The following PAIP2 variants were observed in gnomAD, a reference collection of about 807,000 sequenced individuals.
PAIP2 encodes the protein poly(A) binding protein interacting protein 2.
A neutral mutation model predicts 14.8 loss-of-function variants in PAIP2; 7 were observed. That is an observed-to-expected ratio of 0.47 (90% confidence interval 0.27 to 0.89). The LOEUF (loss-of-function observed/expected upper bound fraction) is 0.89. Ranked by LOEUF, PAIP2 falls within the 40% of genes least tolerant of loss-of-function variation. The pLI is 0.13. For synonymous variants in PAIP2, 47 were observed against 45.3 expected (o/e 1.04, Z -0.15); for missense variants, 122 against 154.7 (o/e 0.79, Z 1.12).
intron 1 of PAIP2, among the ~76,000 whole-genome samples, chr5:139,358,341 T>C (rs1299617939): frequency 6.6e-6 from 1 of 152,242 alleles, no homozygotes; most frequent in African/African-American, 2.4e-5. Flanking sequence ...GTTGCATATG[T>C]GTTTACTTTT....
Position 139,364,728 on chromosome 5 carries a change from T to A in PAIP2, c.303T>A (p.Ser101=), listed in dbSNP as rs1195655939. Residue 101 remains serine, a synonymous_variant, in exon 3 of 4, where the codon TCT becomes TCA. Coordinates refer to ENST00000265192, the MANE Select transcript of PAIP2 (RefSeq NM_016480.5). ...FNDLVISDGS[S]LEDLVVKSNL... ...ACCTTGTTATCAGTGATGGCTCTTC[T>A]CTGGAAGATCTTGTGGTAAAAAGTT... 31 of 1,599,740 alleles carry A rather than the reference T, an allele frequency of 1.9e-5. No homozygotes were observed. Among genetic ancestry groups the A allele is most frequent in the Non-Finnish European group, 2.4e-5 (28 of 1,173,338 alleles).
chr5:139,342,923 G>A (rs1158745676), intron 1 of PAIP2: 5 of 152,190 alleles, frequency 3.3e-5, no homozygotes, highest in African/African-American at 1.2e-4. Flanking sequence ...TGCCTTGGAA[G>A]GTGTAGCAGC....
intron 1 of PAIP2, among the ~76,000 whole-genome samples, chr5:139,350,044 G>A (rs948949371): frequency 1.3e-5 from 2 of 151,606 alleles, no homozygotes; most frequent in East Asian, 1.9e-4. Flanking sequence ...GTGTGGTGGC[G>A]GGCGCCTGTA....
intron 1 of PAIP2, among the ~76,000 whole-genome samples, chr5:139,346,416 A>G (rs1292441200): frequency 1.3e-5 from 2 of 151,210 alleles, no homozygotes; most frequent in African/African-American, 4.9e-5. Context: ...TAATGTTTGT[A>G]TTTTTAGAGA....
At chr5:139,347,010 G>A (rs1158848180) in intron 1 of PAIP2, among the ~76,000 whole-genome samples, 1 of 152,018 alleles carries the variant, frequency 6.6e-6, no homozygotes, top group Non-Finnish European at 1.5e-5. Context: ...GTTTCACCAT[G>A]TTGGCCAGGG....
intron 1 of PAIP2, among the ~76,000 whole-genome samples, chr5:139,362,378 G>A (rs1218104019): frequency 6.8e-6 from 1 of 147,212 alleles, no homozygotes; most frequent in Non-Finnish European, 1.5e-5. Flanking sequence ...GTACCACCAT[G>A]CCCAGCTAAA....
chr5:139,352,966 G>A (rs137916195), intron 1 of PAIP2, among the ~76,000 whole-genome samples: 6,172 of 151,788 alleles, frequency 0.041, 166 homozygotes, highest in Non-Finnish European at 0.066. Flanking sequence ...AAAATACAAA[G>A]TTAGCCGGGC....
chr5:139,350,718 A>G (rs1756703235), intron 1 of PAIP2, among the ~76,000 whole-genome samples: 1 of 152,046 alleles, frequency 6.6e-6, no homozygotes, highest in Non-Finnish European at 1.5e-5. Context: ...TTAAGCAAAA[A>G]AAAAGAAGAA....
In PAIP2 at chr5:139,364,734, A is replaced by G. The variant is rs1453852780; in HGVS notation, c.309A>G (p.Glu103=). The change falls in exon 3 of 4, where the codon GAA becomes GAG. Residue 103 remains glutamate (E), a synonymous_variant. Coordinates refer to ENST00000265192, the MANE Select transcript of PAIP2 (RefSeq NM_016480.5). ...TTATCAGTGATGGCTCTTCTCTGGAAGATCTTGTGGTAAAAAGTTATTTTT... is the reference window on the plus strand; with the variant it reads ...TTATCAGTGATGGCTCTTCTCTGGAGGATCTTGTGGTAAAAAGTTATTTTT... ...DLVISDGSSL[E]DLVVKSNLNP... is the part of the protein sequence containing the mutation. 1.2e-6 allele frequency: 2 copies of G among 1,600,322 alleles called. No homozygotes were observed. The highest frequency in any genetic ancestry group is 3.5e-5 in the Admixed American group (2 of 57,942).
chr5:139,348,352 C>G lies in PAIP2; in HGVS notation c.-27+6372C>G, dbSNP rs906555657. ...AACAGGGGACCACCACCAAGCCTGG[C>G]TAATTTTTTTTTTTTTTTTTGAGAC... is the stretch of plus-strand genomic sequence containing the variant. On this transcript the variant is annotated intron_variant, in intron 1 of 3. Transcript: ENST00000265192. Among the ~76,000 whole-genome samples, 14 of 150,378 alleles carry G rather than the reference C, an allele frequency of 9.3e-5. No homozygotes were observed. The East Asian group carries it at 1.6e-3, about 17-fold the overall frequency.
chr5:139,353,735 TA>T (rs1756823267), intron 1 of PAIP2, among the ~76,000 whole-genome samples: 1 of 151,878 alleles, frequency 6.6e-6, no homozygotes, highest in African/African-American at 2.4e-5. Flanking sequence ...TTTTTTTTTT[TA>T]AGGCAGAGTC....
intron 1 of PAIP2, chr5:139,343,228 A>G (rs1300035538): frequency 6.6e-6 from 1 of 152,226 alleles, no homozygotes; most frequent in East Asian, 1.9e-4. Flanking sequence ...TGTTTATACT[A>G]CTTGTCAGTT....
intron 1 of PAIP2, among the ~76,000 whole-genome samples, chr5:139,362,856 C>T (rs1472701819): frequency 6.6e-6 from 1 of 152,112 alleles, no homozygotes; most frequent in Non-Finnish European, 1.5e-5. Flanking sequence ...GCTTGCTTTA[C>T]AAAGCAAGTG....
At chr5:139,352,042 C>T (rs1268117708) in intron 1 of PAIP2, among the ~76,000 whole-genome samples, 1 of 152,026 alleles carries the variant, frequency 6.6e-6, no homozygotes, top group East Asian at 1.9e-4. Flanking sequence ...ACAGGTTGAG[C>T]ATCCCAGTTT....
intron 1 of PAIP2, among the ~76,000 whole-genome samples, chr5:139,358,670 T>G (rs575193426): frequency 1.3e-5 from 2 of 152,346 alleles, no homozygotes; most frequent in East Asian, 3.9e-4. Context: ...GGAATATTGT[T>G]TGGCAATAAA....
At chr5:139,368,629 TTTGTC>T (rs1465661882) in intron 3 of PAIP2, 99 bp from the exon 4 acceptor site, 4 of 788,528 alleles carry the variant, frequency 5.1e-6, no homozygotes, top group Admixed American at 4.5e-5. Flanking sequence ...ACTGAGTTCT[TTTGTC>T]TTTTTTTTTT....
intron 1 of PAIP2, among the ~76,000 whole-genome samples, chr5:139,349,094 A>G (rs1244284951): frequency 6.6e-6 from 1 of 152,258 alleles, no homozygotes; most frequent in Non-Finnish European, 1.5e-5. Flanking sequence ...TACCAGTGCT[A>G]ACTTCCACAA....
rs1757475122 is a variant in PAIP2, at chr5:139,368,902, A to C, written c.*104A>C. ...GCTCTCTTGTCACTGTGTTACACTT[A>C]TGCATTGCCAAAGTTTTTGTTAGTC... is the stretch of plus-strand genomic sequence containing the variant. On this transcript the variant is annotated 3_prime_UTR_variant, in exon 4 of 4. Transcript: ENST00000265192. 2.5e-6 allele frequency: 2 copies of C among 807,960 alleles called. No individual in the cohort carries two copies. Among genetic ancestry groups the C allele is most frequent in the South Asian group, 3.4e-5 (2 of 59,404 alleles). The allele number at this position is 807,960 out of a possible 1,614,324, so 50.0% of individuals were successfully genotyped here.
intron 3 of PAIP2, among the ~76,000 whole-genome samples, chr5:139,365,431 A>C (rs6895170): frequency 0.45 from 67,884 of 149,970 alleles, 17,908 homozygotes; most frequent in East Asian, 0.79. Flanking sequence ...CGGAGGTTGC[A>C]GTGAGTGGAG....
Sources: gnomAD v4.1 joint callset for allele counts (sites outside exome capture counted in the v4.1 genomes callset) on GRCh38, gnomAD v4.1.1 for gene constraint, MANE v1.5 for transcripts, NCBI Gene and HGNC (gene_info 2026-07-23, HGNC 2026-07-21) for gene names.